Variants in MED12L observed in about 807,000 individuals in gnomAD.
MED12L encodes the protein mediator complex subunit 12L, also known as mediator of RNA polymerase II transcription subunit 12-like protein.
In MED12L, 60 loss-of-function variants were observed where a neutral mutation model predicts 281.3. That is an observed-to-expected ratio of 0.21 (90% CI 0.17 to 0.26). The LOEUF (loss-of-function observed/expected upper bound fraction) is 0.26. MED12L is among the 10% of genes least tolerant of loss of function. MED12L has a pLI of 1.00. For synonymous variants in MED12L, 974 were observed against 987.2 expected (o/e 0.99, Z 0.25); for missense variants, 2,146 against 2,680.9 (o/e 0.80, Z 4.41).
chr3:151,283,793 G>A (rs944092429), intron 16 of MED12L, among the ~76,000 whole-genome samples: 8 of 152,206 alleles, frequency 5.3e-5, no homozygotes, highest in Non-Finnish European at 1.2e-4. Flanking sequence ...AATTATCTGA[G>A]AACAATGACT....
chr3:151,281,181 G>T (rs1218842160), intron 16 of MED12L, among the ~76,000 whole-genome samples: 1 of 137,966 alleles, frequency 7.2e-6, no homozygotes, highest in Non-Finnish European at 1.5e-5. Flanking sequence ...AAGGTCAGGA[G>T]CTCCAGACCA....
chr3:151,273,590 C>T (rs1250557650), intron 16 of MED12L, among the ~76,000 whole-genome samples: 3 of 151,924 alleles, frequency 2.0e-5, no homozygotes, highest in Non-Finnish European at 4.4e-5. Context: ...ATGTATATAA[C>T]TCATTTAATC....
intron 2 of MED12L, among the ~76,000 whole-genome samples, chr3:151,106,779 T>C (rs1722127690): frequency 6.6e-6 from 1 of 152,246 alleles, no homozygotes. Flanking sequence ...TCTTTATCTC[T>C]GATAATACTT....
intron 11 of MED12L, among the ~76,000 whole-genome samples, chr3:151,180,969 A>G (rs980562103): frequency 3.3e-5 from 5 of 152,220 alleles, no homozygotes; most frequent in African/African-American, 1.2e-4. Context: ...TTTGCAAGTC[A>G]TTTTTATGAT....
chr3:151,315,462 C>A (rs1163723089), intron 16 of MED12L, among the ~76,000 whole-genome samples: 1 of 152,146 alleles, frequency 6.6e-6, no homozygotes, highest in East Asian at 1.9e-4. Flanking sequence ...GGGATACTTT[C>A]TTTTTATAGG....
intron 21 of MED12L, among the ~76,000 whole-genome samples, chr3:151,363,264 A>G (rs952093459): frequency 6.6e-6 from 1 of 152,174 alleles, no homozygotes; most frequent in Admixed American, 6.6e-5. Flanking sequence ...TCAGAGACCT[A>G]TTTGTAGTTT....
chr3:151,159,774 G>A, intron 7 of MED12L, 58 bp from the exon 8 acceptor site: 3 of 1,473,582 alleles, frequency 2.0e-6, no homozygotes, highest in Non-Finnish European at 2.8e-6. Flanking sequence ...TGTTAAAATA[G>A]TTATTTAACC....
At position 151,165,941 on chromosome 3, in the gene MED12L, C is replaced by T. The variant is rs376593902; in HGVS notation, c.1453C>T (p.His485Tyr). 4 of 1,613,644 alleles carry T rather than the reference C, an allele frequency of 2.5e-6. No individual in the cohort carries two copies. Among genetic ancestry groups the T allele is most frequent in the Non-Finnish European group, 8.5e-7 (1 of 1,179,750 alleles). Residue 485 changes from histidine (H) to tyrosine (Y), a missense_variant, in exon 11 of 45, where the codon CAT becomes TAT. By Grantham distance (83) the His-to-Tyr change is moderately conservative. Coordinates refer to ENST00000687756, the MANE Select transcript of MED12L (RefSeq NM_001393769.1). ...CAGCAATTCCATGGAGACACTTTAT[C>T]ATAAGATTTTCTGGGCAAACCAAAA... is the stretch of plus-strand genomic sequence containing the variant. ...DSSNSMETLY[H>Y]KIFWANQNKD...
At position 151,160,029 on chromosome 3, in the gene MED12L, G is replaced by C. The variant is rs1560105948; in HGVS notation, c.1035G>C (p.Gln345His). Residue 345 changes from glutamine to histidine, a missense_variant, in exon 8 of 45, where the codon CAG (glutamine) becomes CAC (histidine). Physicochemically the swap from Gln to His is conservative, Grantham distance 24 (BLOSUM62 0). Transcript: ENST00000687756. Reference protein sequence around the residue: ...GPPGPGMSPVQLAFSDFLSCA... With the variant: ...GPPGPGMSPVHLAFSDFLSCA... ...CCGGCCCTGGCATGAGCCCCGTGCAGCTGGCCTTCTCAGATTTTCTTTCCT... is the reference window on the plus strand; with the variant it reads ...CCGGCCCTGGCATGAGCCCCGTGCACCTGGCCTTCTCAGATTTTCTTTCCT... 3.1e-6 allele frequency: 5 copies of C among 1,614,076 alleles called. No individual in the cohort carries two copies. The highest frequency in any genetic ancestry group is 2.7e-5 in the African/African-American group (2 of 74,940).
At position 151,227,422 on chromosome 3, in the gene MED12L, G is replaced by GA. The variant is rs1355942023; in HGVS notation, c.2250+33756_2250+33757insA. ...TGATTATGTGTGAGAATGGTAAGGGGGGACGGATTAGGTTGGATTTATAAA... is the reference window on the plus strand; with the variant it reads ...TGATTATGTGTGAGAATGGTAAGGGGAGGACGGATTAGGTTGGATTTATAAA... On this transcript the variant is annotated intron_variant, in intron 16 of 44. Transcript: ENST00000687756. 2.0e-5 allele frequency among the ~76,000 whole-genome samples: 3 copies of GA among 152,192 alleles called. No homozygotes were observed. In the East Asian group the frequency reaches 5.8e-4, roughly 29 times the overall value.
At chr3:151,318,275 A>G (rs989805008) in intron 16 of MED12L, among the ~76,000 whole-genome samples, 5 of 152,154 alleles carry the variant, frequency 3.3e-5, no homozygotes, top group African/African-American at 1.2e-4. Context: ...TTTACAAACA[A>G]TCCTTCATTT....
chr3:151,349,804 G>A (rs1019476800), intron 16 of MED12L, among the ~76,000 whole-genome samples: 4 of 151,528 alleles, frequency 2.6e-5, no homozygotes, highest in African/African-American at 9.7e-5. Flanking sequence ...TACTTTGTAG[G>A]GTACGCCCAC....
At chr3:151,209,626 G>A (rs897699651) in intron 16 of MED12L, among the ~76,000 whole-genome samples, 9 of 152,128 alleles carry the variant, frequency 5.9e-5, no homozygotes. Flanking sequence ...CATTTTGGGG[G>A]AGTGATCTGT....
chr3:151,229,431 C>T (rs1487732366), intron 16 of MED12L, among the ~76,000 whole-genome samples: 13 of 150,294 alleles, frequency 8.6e-5, no homozygotes, highest in African/African-American at 2.9e-4. Context: ...GTCAGCCTCC[C>T]GAGTAGCTGG....
intron 11 of MED12L, among the ~76,000 whole-genome samples, chr3:151,169,536 A>G (rs1404492550): frequency 2.0e-5 from 3 of 152,210 alleles, no homozygotes; most frequent in Non-Finnish European, 4.4e-5. Flanking sequence ...GCTTTGTGCA[A>G]TAGTGCCCTT....
intron 16 of MED12L, among the ~76,000 whole-genome samples, chr3:151,289,390 A>G (rs1333817824): frequency 6.6e-6 from 1 of 152,144 alleles, no homozygotes; most frequent in Admixed American, 6.5e-5. Flanking sequence ...AAAGATACTC[A>G]CTCTGTATTA....
rs995207377 is a variant in MED12L at position 151,086,907 on chromosome 3, G to T, written c.-20G>T. 5.8e-6 allele frequency: 9 copies of T among 1,563,274 alleles called. No individual in the cohort carries two copies. Among genetic ancestry groups the T allele is most frequent in the Non-Finnish European group, 7.8e-6 (9 of 1,153,900 alleles). On this transcript the variant is annotated 5_prime_UTR_variant, in exon 2 of 45. Coordinates refer to ENST00000687756, the MANE Select transcript of MED12L (RefSeq NM_001393769.1). ...TCCAGCTCCAACTCTCATTCATTTC[G>T]CCGGTTAACATGAGAGATCATGGCC...
rs1265085759 is a variant in MED12L at position 151,190,877 on chromosome 3, A to T, written c.1914A>T (p.Pro638=). The T allele has an allele frequency of 6.2e-7, 1 of 1,614,180 alleles. No homozygotes were observed. ...CTGCCTCAACTCGGCCGCGGTCACC[A>T]GTAGGGGAAAATGCAGATGAACACT... ...SVTASTRPRS[P]VGENADEHYS... The change falls in exon 14 of 45, where the codon CCA becomes CCT. Residue 638 remains proline, a synonymous_variant. Coordinates refer to ENST00000687756, the MANE Select transcript of MED12L (RefSeq NM_001393769.1).
chr3:151,173,060 T>G (rs949673672), intron 11 of MED12L, among the ~76,000 whole-genome samples: 5 of 151,756 alleles, frequency 3.3e-5, no homozygotes, highest in Non-Finnish European at 5.9e-5. Context: ...GATTTGTTTT[T>G]GAGTATTATG....
Sources: gnomAD v4.1 joint callset for allele counts (sites outside exome capture counted in the v4.1 genomes callset) on GRCh38, gnomAD v4.1.1 for gene constraint, MANE v1.5 for transcripts, NCBI Gene and HGNC (gene_info 2026-07-23, HGNC 2026-07-21) for gene names.